Variants in PLCB4 observed in about 807,000 individuals in gnomAD.
The protein encoded by PLCB4 is 1-phosphatidylinositol 4,5-bisphosphate phosphodiesterase beta-4.
Under a neutral mutation model 178.8 loss-of-function variants are expected in PLCB4, and 77 were observed. The observed-to-expected ratio is 0.43, with a 90% CI of 0.36 to 0.52. The LOEUF (loss-of-function observed/expected upper bound fraction) is 0.52. Ranked by LOEUF, PLCB4 falls within the 20% of genes least tolerant of loss-of-function variation. The pLI is 0.00. For synonymous variants in PLCB4, 496 were observed against 490.8 expected (o/e 1.01, Z -0.14); for missense variants, 1,024 against 1,453.4 (o/e 0.70, Z 4.80).
intron 2 of PLCB4, among the ~76,000 whole-genome samples, chr20:9,146,238 G>T (rs2092596986): frequency 6.6e-6 from 1 of 152,024 alleles, no homozygotes; most frequent in Non-Finnish European, 1.5e-5. Context: ...ATTAATGTGA[G>T]ACAATATTAG....
At chr20:9,212,370 T>C (rs1442821055) in intron 2 of PLCB4, among the ~76,000 whole-genome samples, 1 of 152,204 alleles carries the variant, frequency 6.6e-6, no homozygotes, top group Non-Finnish European at 1.5e-5. Context: ...ACTCTTCACT[T>C]TAAAACAAAA....
At chr20:9,139,588 G>C (rs921632142) in intron 2 of PLCB4, among the ~76,000 whole-genome samples, 1 of 152,054 alleles carries the variant, frequency 6.6e-6, no homozygotes, top group Non-Finnish European at 1.5e-5. Context: ...TAAGTCAAGG[G>C]CTCAGAAGTC....
At chr20:9,183,404 G>A (rs2093279006) in intron 2 of PLCB4, among the ~76,000 whole-genome samples, 1 of 152,152 alleles carries the variant, frequency 6.6e-6, no homozygotes, top group Non-Finnish European at 1.5e-5. Context: ...CTAAAACCAG[G>A]TAGAGCGGGA....
chr20:9,282,286 G>C (rs1275306722), intron 3 of PLCB4, among the ~76,000 whole-genome samples: 1 of 151,946 alleles, frequency 6.6e-6, no homozygotes, highest in African/African-American at 2.4e-5. Flanking sequence ...AAGTAGGTAG[G>C]AGAGATTCAG....
chr20:9,075,476 G>C (rs374159545), intron 1 of PLCB4, among the ~76,000 whole-genome samples: 9 of 152,316 alleles, frequency 5.9e-5, no homozygotes, highest in Middle Eastern at 3.4e-3. Flanking sequence ...ATGCTAATTC[G>C]TGGTAGCCTA....
At chr20:9,435,337 A>C (rs543766815) in intron 28 of PLCB4, among the ~76,000 whole-genome samples, 19 of 152,224 alleles carry the variant, frequency 1.2e-4, no homozygotes, top group Non-Finnish European at 2.2e-4. Context: ...GTATCAGGAA[A>C]AACTAAATAA....
intron 2 of PLCB4, among the ~76,000 whole-genome samples, chr20:9,121,932 C>T (rs931954073): frequency 2.0e-5 from 3 of 152,144 alleles, no homozygotes; most frequent in Non-Finnish European, 4.4e-5. Flanking sequence ...CGAATTATTA[C>T]CAGCGGCATT....
rs1229132596 is a variant in PLCB4 at position 9,286,842 on chromosome 20, C to T, written c.-15-20958C>T. Among the ~76,000 whole-genome samples the T allele has an allele frequency of 3.9e-5, 6 of 151,950 alleles. No homozygotes were observed. The East Asian group carries it at 1.2e-3, about 30-fold the overall frequency. On this transcript the variant is annotated intron_variant, in intron 3 of 39. Coordinates refer to ENST00000378473, the MANE Select transcript of PLCB4 (RefSeq NM_001377142.1). ...TATCTTTGTATAGACTTTCCATCCC[C>T]TAGGATCTGTATGGTCAAATAACCA...
chr20:9,113,277 C>T (rs2091651675), intron 2 of PLCB4, among the ~76,000 whole-genome samples: 1 of 152,134 alleles, frequency 6.6e-6, no homozygotes, highest in Non-Finnish European at 1.5e-5. Flanking sequence ...AGCTCATGGG[C>T]ACCTCCAAGA....
chr20:9,261,264 ACTT>A (rs2094294666), intron 3 of PLCB4, among the ~76,000 whole-genome samples: 1 of 151,928 alleles, frequency 6.6e-6, no homozygotes, highest in African/African-American at 2.4e-5. Context: ...GTTAATGTTT[ACTT>A]CTTCTCTAAT....
rs542241082 is a variant in PLCB4 at position 9,076,197 on chromosome 20, T to C, written c.-135+6991T>C. ...AATAAGAACACCTGGCCGGGCGCGATGGCTCACGCCTGTAATTTCAGCACT... is the reference window on the plus strand; with the variant it reads ...AATAAGAACACCTGGCCGGGCGCGACGGCTCACGCCTGTAATTTCAGCACT... On this transcript the variant is annotated intron_variant, in intron 1 of 39. Coordinates refer to ENST00000378473, the MANE Select transcript of PLCB4 (RefSeq NM_001377142.1). Among the ~76,000 whole-genome samples the C allele has an allele frequency of 4.9e-4, 75 of 152,286 alleles. 1 individual carries two copies. Among genetic ancestry groups the C allele is most frequent in the African/African-American group, 1.7e-3 (71 of 41,554 alleles).
intron 3 of PLCB4, among the ~76,000 whole-genome samples, chr20:9,246,513 A>G (rs2147452211): frequency 6.6e-6 from 1 of 152,260 alleles, no homozygotes; most frequent in African/African-American, 2.4e-5. Flanking sequence ...TTAATCCAAC[A>G]CTTAATACTC....
At chr20:9,422,383 G>A (rs1226468632) in intron 27 of PLCB4, among the ~76,000 whole-genome samples, 3 of 152,168 alleles carry the variant, frequency 2.0e-5, no homozygotes, top group Admixed American at 6.5e-5. Context: ...CACAATCTTC[G>A]CATCCCATTG....
chr20:9,428,514 G>A (rs1042360759), intron 28 of PLCB4, among the ~76,000 whole-genome samples: 1 of 152,156 alleles, frequency 6.6e-6, no homozygotes, highest in Non-Finnish European at 1.5e-5. Flanking sequence ...ATTTGACACA[G>A]GATCTTGTTG....
chr20:9,329,437 C>T (rs1422314435), intron 4 of PLCB4, among the ~76,000 whole-genome samples: 1 of 152,140 alleles, frequency 6.6e-6, no homozygotes, highest in Non-Finnish European at 1.5e-5. Context: ...AGAGAAAGTA[C>T]TTAGAGCGTT....
At chr20:9,203,777 GTTTTTTTTTTTTTTT>G (rs553691545) in intron 2 of PLCB4, among the ~76,000 whole-genome samples, 1 of 101,682 alleles carries the variant, frequency 9.8e-6, no homozygotes, top group Non-Finnish European at 2.0e-5. Context: ...TGGGAATAGT[GTTTTTTTTTTTTTTT>G]TTTTTTTTTT....
chr20:9,342,296 T>C (rs2033300371), intron 7 of PLCB4, among the ~76,000 whole-genome samples: 1 of 152,098 alleles, frequency 6.6e-6, no homozygotes. Flanking sequence ...GCAGGATACA[T>C]AAATCAAATT....
At chr20:9,076,010 G>T (rs2089844486) in intron 1 of PLCB4, among the ~76,000 whole-genome samples, 1 of 152,020 alleles carries the variant, frequency 6.6e-6, no homozygotes. Flanking sequence ...TTCTTATAAA[G>T]GTTGTTATGG....
intron 3 of PLCB4, among the ~76,000 whole-genome samples, chr20:9,235,150 T>C (rs1254832719): frequency 6.6e-6 from 1 of 152,020 alleles, no homozygotes; most frequent in East Asian, 1.9e-4. Flanking sequence ...TGTGGTAGGG[T>C]CAGTGGAGTG....
Sources: gnomAD v4.1 joint callset for allele counts (sites outside exome capture counted in the v4.1 genomes callset) on GRCh38, gnomAD v4.1.1 for gene constraint, MANE v1.5 for transcripts, NCBI Gene and HGNC (gene_info 2026-07-23, HGNC 2026-07-21) for gene names.